The following NLGN4Y variants were observed in gnomAD, a reference collection of about 807,000 sequenced individuals.
NLGN4Y encodes the protein neuroligin-4, Y-linked.
Under a neutral mutation model 8.4 loss-of-function variants are expected in NLGN4Y, and 4 were observed. The observed-to-expected ratio is 0.48, with a 90% confidence interval of 0.23 to 1.09. NLGN4Y has a LOEUF of 1.09. Ranked by LOEUF, NLGN4Y falls within the 50% of genes least tolerant of loss-of-function variation. The pLI, the probability that NLGN4Y is intolerant of heterozygous loss-of-function variation, is 0.19. For missense variants in NLGN4Y, 90 were observed against 192.3 expected, an observed-to-expected ratio of 0.47 and a Z score of 3.15; for synonymous variants, 35 against 75.6, an observed-to-expected ratio of 0.46 and a Z score of 2.78.
intron 4 of NLGN4Y, among the ~76,000 whole-genome samples, chrY:14,789,733 G>A: frequency 3.0e-5 from 1 of 33,549 alleles, no homozygotes; most frequent in Admixed American, 2.7e-4. Flanking sequence ...TTCACCTTGT[G>A]CATTAAGAGC....
At chrY:14,593,675 C>A in intron 1 of NLGN4Y, among the ~76,000 whole-genome samples, 1 of 33,473 alleles carries the variant, frequency 3.0e-5, no homozygotes, top group Non-Finnish European at 7.4e-5. Flanking sequence ...TTCCTCCTGG[C>A]AGCAGCTTTG....
At chrY:14,639,753 A>G (rs2080582688) in intron 2 of NLGN4Y, 1 of 145,419 alleles carries the variant, frequency 6.9e-6, no homozygotes, top group Non-Finnish European at 1.4e-5. Context: ...TGTTGGCATC[A>G]AAGTTAGCAA....
intron 2 of NLGN4Y, among the ~76,000 whole-genome samples, chrY:14,686,694 T>C: frequency 3.1e-5 from 1 of 32,153 alleles, no homozygotes; most frequent in African/African-American, 1.2e-4. Context: ...AGGGTAGAGA[T>C]TGTGCCCTAC....
intron 2 of NLGN4Y, among the ~76,000 whole-genome samples, chrY:14,629,938 T>C (rs2080542866): frequency 3.0e-5 from 1 of 33,635 alleles, no homozygotes. Flanking sequence ...CAAGCATTTC[T>C]AATTTTGAGT....
At chrY:14,546,985 A>G in intron 1 of NLGN4Y, among the ~76,000 whole-genome samples, 1 of 33,910 alleles carries the variant, frequency 2.9e-5, no homozygotes, top group Non-Finnish European at 7.3e-5. Context: ...TTTTAGCGTG[A>G]AGAGTTGTTG....
intron 2 of NLGN4Y, among the ~76,000 whole-genome samples, chrY:14,688,003 T>C: frequency 3.1e-5 from 1 of 32,784 alleles, no homozygotes; most frequent in Non-Finnish European, 7.5e-5. Context: ...TTTTAACACA[T>C]TTGAAATAAA....
At chrY:14,830,947 C>A in intron 6 of NLGN4Y, among the ~76,000 whole-genome samples, 1 of 34,045 alleles carries the variant, frequency 2.9e-5, no homozygotes. Flanking sequence ...CACACTACAG[C>A]CTTGAACTCC....
chrY:14,802,201 C>A, intron 4 of NLGN4Y, among the ~76,000 whole-genome samples: 1 of 32,633 alleles, frequency 3.1e-5, no homozygotes, highest in South Asian at 6.9e-4. Flanking sequence ...AGGAATGCAC[C>A]TGTGCTTGGA....
chrY:14,527,489 T>C, intron 1 of NLGN4Y, among the ~76,000 whole-genome samples: 1 of 34,072 alleles, frequency 2.9e-5, no homozygotes, highest in African/African-American at 1.1e-4. Flanking sequence ...TGTATTCTAT[T>C]CCTAAATGGG....
chrY:14,780,878 C>T, intron 4 of NLGN4Y, among the ~76,000 whole-genome samples: 1 of 33,370 alleles, frequency 3.0e-5, no homozygotes, highest in Non-Finnish European at 7.4e-5. Flanking sequence ...GAATCATGTA[C>T]TGCTTCCCAA....
At chrY:14,616,908 T>C (rs2080490842) in intron 1 of NLGN4Y, among the ~76,000 whole-genome samples, 1 of 33,689 alleles carries the variant, frequency 3.0e-5, no homozygotes, top group Admixed American at 2.7e-4. Context: ...CTGAGAAGAA[T>C]AGACATTTTG....
intron 1 of NLGN4Y, among the ~76,000 whole-genome samples, chrY:14,619,982 G>A (rs904945316): frequency 3.0e-4 from 10 of 33,208 alleles, no homozygotes; most frequent in African/African-American, 1.2e-3. Flanking sequence ...GAGAACTTAC[G>A]AACACAAAGA....
Position 14,841,489 on chromosome Y carries a change from T to C in NLGN4Y, c.*227T>C. On this transcript the variant is annotated 3_prime_UTR_variant, in exon 7 of 7. Coordinates refer to ENST00000684976, the MANE Select transcript of NLGN4Y (RefSeq NM_001365588.1). ...ATGAAATGTGAAAAGTATATGTTTC[T>C]GTTACAATACTGCTTTAAGATCTAA... The C allele has an allele frequency of 6.3e-6, 1 of 158,627 alleles. No individual in the cohort carries two copies. The highest frequency in any genetic ancestry group is 1.2e-5 in the Non-Finnish European group (1 of 80,770). The allele number at this position is 158,627 out of a possible 400,897, so 39.6% of individuals were successfully genotyped here.
At chrY:14,806,113 C>T (rs2043056365) in intron 4 of NLGN4Y, among the ~76,000 whole-genome samples, 1 of 33,503 alleles carries the variant, frequency 3.0e-5, no homozygotes, top group African/African-American at 1.2e-4. Flanking sequence ...TGCACTGCAG[C>T]CTGGGCAACC....
Position 14,622,515 on chromosome Y carries a change from G to A in NLGN4Y, c.396G>A (p.Leu132=). 1 of 399,028 alleles carries A rather than the reference G, an allele frequency of 2.5e-6. No homozygotes were observed. Among genetic ancestry groups the A allele is most frequent in the Middle Eastern group, 5.9e-4 (1 of 1,700 alleles). ...DMLPIWFTTS[L]DTLMTYVQDQ... is the part of the protein sequence containing the mutation. ...TGCCCATCTGGTTTACCACCAGTTT[G>A]GATACTTTGATGACCTATGTTCAAG... Residue 132 remains leucine, a synonymous_variant, in exon 2 of 7, where the codon TTG becomes TTA. Transcript: ENST00000684976.
intron 1 of NLGN4Y, among the ~76,000 whole-genome samples, chrY:14,529,179 T>C (rs2080102669): frequency 3.1e-5 from 1 of 32,204 alleles, no homozygotes; most frequent in Non-Finnish European, 7.6e-5. Flanking sequence ...TTGTATGCTT[T>C]GGGTGGGGAA....
At chrY:14,623,430 T>G in intron 2 of NLGN4Y, among the ~76,000 whole-genome samples, 1 of 33,850 alleles carries the variant, frequency 3.0e-5, no homozygotes, top group Non-Finnish European at 7.3e-5. Context: ...CCATATGCCA[T>G]TTTTAGATGA....
intron 1 of NLGN4Y, among the ~76,000 whole-genome samples, chrY:14,562,702 T>C (rs2080235113): frequency 3.0e-5 from 1 of 33,829 alleles, no homozygotes; most frequent in African/African-American, 1.1e-4. Context: ...TCCATTTGTT[T>C]CTGTCCTCTC....
At chrY:14,580,055 G>T in intron 1 of NLGN4Y, among the ~76,000 whole-genome samples, 1 of 27,753 alleles carries the variant, frequency 3.6e-5, no homozygotes, top group Non-Finnish European at 8.3e-5. Flanking sequence ...AGCTGGGCAT[G>T]GTGGCAGGAG....
Sources: allele counts gnomAD v4.1 joint callset (sites outside exome capture counted in the v4.1 genomes callset), GRCh38; gene constraint gnomAD v4.1.1; transcripts MANE v1.5; gene names NCBI Gene and HGNC (gene_info 2026-07-23, HGNC 2026-07-21).